The following NPRL3 variants were observed in gnomAD, a reference collection of about 807,000 sequenced individuals.
NPRL3 encodes NPR3 like, GATOR1 complex subunit, also known as GATOR1 complex protein NPRL3.
A neutral mutation model predicts 57.2 loss-of-function variants in NPRL3; 23 were observed. That is an observed-to-expected ratio of 0.40 (90% CI 0.29 to 0.57). NPRL3 has a LOEUF of 0.57. Among genes scored for constraint, NPRL3 ranks in the 20% least tolerant of loss-of-function variants. The probability of loss-of-function intolerance (pLI) is 0.42; values close to 1 mark genes in which losing one functional copy is unlikely to be tolerated. For missense variants in NPRL3, 691 were observed against 767.1 expected, an observed-to-expected ratio of 0.90 and a Z score of 1.17; for synonymous variants, 333 against 321.1, an observed-to-expected ratio of 1.04 and a Z score of -0.39.
Position 112,808 on chromosome 16 carries a change from G to A in NPRL3, c.394-33C>T, listed in dbSNP as rs369659219. ...AGAGAGACCATACACAGACTCAAAC[G>A]TGTGCACAGGGACACAGCTGGACAC... On this transcript the variant is annotated intron_variant, in intron 5 of 13. Coordinates refer to ENST00000611875, the MANE Select transcript of NPRL3 (RefSeq NM_001077350.3). 6.7e-5 allele frequency: 104 copies of A among 1,540,934 alleles called. 1 individual carries two copies. The highest frequency in any genetic ancestry group is 5.2e-4 in the Middle Eastern group (3 of 5,772).
chr16:115,733 G>A (rs1004769174), intron 5 of NPRL3, among the ~76,000 whole-genome samples: 6 of 152,132 alleles, frequency 3.9e-5, no homozygotes, highest in South Asian at 2.1e-4. Context: ...TGATCCGCCC[G>A]CTTCAGCCTC....
intron 3 of NPRL3, among the ~76,000 whole-genome samples, chr16:128,082 C>T (rs1900624741): frequency 6.6e-6 from 1 of 151,774 alleles, no homozygotes. Context: ...ACCTCCGCCT[C>T]CCAAGTTCAA....
At position 120,282 on chromosome 16, in the gene NPRL3, T is replaced by C. The variant is rs553968418; in HGVS notation, c.189-1027A>G. ...CCTCCGCAGGGCCATACTCTGCCCC[T>C]GGGCAGGGAGACCCCTAAGGTCCTA... is the stretch of plus-strand genomic sequence containing the variant. On this transcript the variant is annotated intron_variant, in intron 3 of 13. Coordinates refer to ENST00000611875, the MANE Select transcript of NPRL3 (RefSeq NM_001077350.3). Among the ~76,000 whole-genome samples the C allele has an allele frequency of 7.7e-4, 117 of 152,282 alleles. 2 individuals carry two copies. The highest frequency in any genetic ancestry group is 7.4e-5 in the Non-Finnish European group (5 of 68,014).
At position 86,534 on chromosome 16, in the gene NPRL3, G is replaced by T. The variant is rs1898476912; in HGVS notation, c.*171C>A. On this transcript the variant is annotated 3_prime_UTR_variant, in exon 14 of 14. Transcript: ENST00000611875. The stretch of plus-strand genomic sequence containing the variant: ...CAGCCCCACAGCGGAACCACCAGGG[G>T]CAAGGACAGCGGGGCTCTGCAGGCT... The T allele has an allele frequency of 2.3e-5, 15 of 644,134 alleles. No individual in the cohort carries two copies. In the South Asian group the frequency reaches 3.0e-4, roughly 13 times the overall value. The allele number at this position is 644,134 out of a possible 1,614,324, so 39.9% of individuals were successfully genotyped here.
At chr16:96,073 C>T (rs1398179270) in intron 9 of NPRL3, among the ~76,000 whole-genome samples, 1 of 152,166 alleles carries the variant, frequency 6.6e-6, no homozygotes, top group Non-Finnish European at 1.5e-5. Flanking sequence ...AAACAGCCTT[C>T]CCTCTCCCCA....
chr16:92,866 G>T, intron 10 of NPRL3, 141 bp from the exon 11 acceptor site: 2 of 1,083,026 alleles, frequency 1.8e-6, no homozygotes, highest in Non-Finnish European at 2.7e-6. Flanking sequence ...ATGAGGCCAG[G>T]CAGGCCTCCA....
chr16:131,438 C>G (rs1281937142), intron 2 of NPRL3, among the ~76,000 whole-genome samples: 1 of 124,890 alleles, frequency 8.0e-6, no homozygotes, highest in Non-Finnish European at 1.6e-5. Flanking sequence ...AAGATCGCGC[C>G]ACTGTACTCC....
rs558898313 is a variant in NPRL3, at chr16:100,765, C to T, written c.630-256G>A. Reference sequence around the variant, plus strand: ...TGGGCGGATCACGAGGTCAGCAGTTCGAGACCAGCCTGGCTAATAACACGG... The same window carrying T: ...TGGGCGGATCACGAGGTCAGCAGTTTGAGACCAGCCTGGCTAATAACACGG... On this transcript the variant is annotated intron_variant, in intron 7 of 13. Coordinates refer to ENST00000611875, the MANE Select transcript of NPRL3 (RefSeq NM_001077350.3). Among the ~76,000 whole-genome samples, 325 of 26,876 alleles carry T rather than the reference C, an allele frequency of 0.012. 2 individuals carry two copies. Among genetic ancestry groups the T allele is most frequent in the Admixed American group, 0.014 (31 of 2,234 alleles). 17.6% of individuals were successfully genotyped at this position (26,876 alleles called of 152,430 possible).
intron 7 of NPRL3, among the ~76,000 whole-genome samples, chr16:103,326 GTA>G (rs1899390541): frequency 2.3e-4 from 1 of 4,390 alleles, no homozygotes. Flanking sequence ...TTTTTTTTTT[GTA>G]GAGACAGGGT....
rs983719405 is a variant in NPRL3, at chr16:100,292, A to T, written c.767+80T>A. On this transcript the variant is annotated intron_variant, in intron 8 of 13. Transcript: ENST00000611875. ...AGAAGAAAAAGAGAAATTTTGGAAC[A>T]AAGTAAGTGGTAAAATCTCAGGCAG... 3 of 1,353,334 alleles carry T rather than the reference A, an allele frequency of 2.2e-6. No individual in the cohort carries two copies. In the African/African-American group the frequency reaches 4.5e-5, roughly 20 times the overall value. 83.8% of individuals were successfully genotyped at this position (1,353,334 alleles called of 1,614,324 possible).
intron 12 of NPRL3, 80 bp downstream of exon 12, chr16:89,633 G>C: frequency 7.5e-7 from 1 of 1,327,092 alleles, no homozygotes; most frequent in Non-Finnish European, 9.9e-7. Flanking sequence ...ATCACTCACA[G>C]CACCACCCAC....
intron 2 of NPRL3, among the ~76,000 whole-genome samples, chr16:131,887 T>G (rs189745193): frequency 6.6e-6 from 1 of 152,200 alleles, no homozygotes; most frequent in Non-Finnish European, 1.5e-5. Flanking sequence ...GCTCTCAAAC[T>G]GTACCACTGC....
chr16:102,747 G>A (rs1041256121), intron 7 of NPRL3, among the ~76,000 whole-genome samples: 9 of 152,172 alleles, frequency 5.9e-5, no homozygotes, highest in African/African-American at 4.8e-5. Flanking sequence ...CCCCTCGGAC[G>A]TCTCTTAGGA....
chr16:114,794 G>T (rs1250109562), intron 5 of NPRL3, among the ~76,000 whole-genome samples: 1 of 152,058 alleles, frequency 6.6e-6, no homozygotes, highest in East Asian at 1.9e-4. Context: ...ATTTTATACA[G>T]ATATCTTCTG....
At chr16:99,865 G>C in intron 8 of NPRL3, among the ~76,000 whole-genome samples, 1 of 149,966 alleles carries the variant, frequency 6.7e-6, no homozygotes, top group East Asian at 1.9e-4. Context: ...CTTGGGAGGT[G>C]GACGTAGTGG....
chr16:92,731 G>C lies in NPRL3; in HGVS notation c.1032-6C>G, dbSNP rs1230342932. On this transcript the variant is annotated splice_region_variant and splice_polypyrimidine_tract_variant and intron_variant, in intron 10 of 13. Coordinates refer to ENST00000611875, the MANE Select transcript of NPRL3 (RefSeq NM_001077350.3). The stretch of plus-strand genomic sequence containing the variant: ...GCTCGGCCAGCGGGGAGTACCTGCA[G>C]GCAGGTGAGCATGCCAGTGAGTGCA... 6.2e-7 allele frequency: 1 copy of C among 1,613,030 alleles called. No homozygotes were observed. Among genetic ancestry groups the C allele is most frequent in the East Asian group, 2.2e-5 (1 of 44,874 alleles).
Position 102,203 on chromosome 16 carries a change from C to T in NPRL3, c.630-1694G>A, listed in dbSNP as rs115966747. 4.7e-3 allele frequency among the ~76,000 whole-genome samples: 717 copies of T among 152,320 alleles called. 7 individuals carry two copies. The highest frequency in any genetic ancestry group is 0.016 in the African/African-American group (680 of 41,566). ...TTTCACCAGGAGCTTCTAAAACTCCCTGATGGAGAAGCCAGGGCGCCACCC... is the reference window on the plus strand; with the variant it reads ...TTTCACCAGGAGCTTCTAAAACTCCTTGATGGAGAAGCCAGGGCGCCACCC... On this transcript the variant is annotated intron_variant, in intron 7 of 13. Transcript: ENST00000611875.
chr16:130,620 C>T, intron 2 of NPRL3, 29 bp from the exon 3 acceptor site: 3 of 1,550,538 alleles, frequency 1.9e-6, no homozygotes, highest in East Asian at 2.4e-5. Flanking sequence ...AGGGGAAGGG[C>T]TAAGAAAACA....
intron 8 of NPRL3, among the ~76,000 whole-genome samples, chr16:99,887 C>G (rs59642192): frequency 6.9e-6 from 1 of 145,966 alleles, no homozygotes; most frequent in East Asian, 2.0e-4. Flanking sequence ...GAGCCGGGAT[C>G]GCACTACTGA....
Sources: allele counts gnomAD v4.1 joint callset (sites outside exome capture counted in the v4.1 genomes callset), GRCh38; gene constraint gnomAD v4.1.1; transcripts MANE v1.5; gene names NCBI Gene and HGNC (gene_info 2026-07-23, HGNC 2026-07-21).